Variants in PDE1A observed in about 807,000 individuals in gnomAD.
PDE1A encodes the protein dual specificity calcium/calmodulin-dependent 3',5'-cyclic nucleotide phosphodiesterase 1A.
PDE1A carries 35 observed loss-of-function variants against 61.7 expected under a neutral mutation model. That is an observed-to-expected ratio of 0.57 (90% CI 0.43 to 0.75). The LOEUF is 0.75. PDE1A is among the 30% of genes least tolerant of loss of function. The pLI is 0.00. For synonymous variants in PDE1A, 232 were observed against 213.2 expected, an observed-to-expected ratio of 1.09 and a Z score of -0.77; for missense variants, 597 against 630.6, an observed-to-expected ratio of 0.95 and a Z score of 0.57.
chr2:182,647,855 T>C, the PDE1A span, among the ~76,000 whole-genome samples: 2 of 152,048 alleles, frequency 1.3e-5, no homozygotes, highest in African/African-American at 4.8e-5. Flanking sequence ...AATTCTGTCA[T>C]TGACAGGAAG....
At chr2:182,649,680 A>G in the PDE1A span, among the ~76,000 whole-genome samples, 1 of 151,578 alleles carries the variant, frequency 6.6e-6, no homozygotes, top group Non-Finnish European at 1.5e-5. Flanking sequence ...GCGCAATCTC[A>G]GTTCACTGCA....
intron 2 of PDE1A, among the ~76,000 whole-genome samples, chr2:182,433,989 C>A (rs996074971): frequency 1.3e-5 from 2 of 152,022 alleles, no homozygotes; most frequent in African/African-American, 4.8e-5. Context: ...TGTACCTGTA[C>A]CTGCAGTTTT....
chr2:182,665,324 C>A, the PDE1A span, among the ~76,000 whole-genome samples: 3 of 151,992 alleles, frequency 2.0e-5, no homozygotes, highest in Admixed American at 6.6e-5. Context: ...TGGAATCTGA[C>A]AAAGTCCTAA....
At chr2:182,427,972 G>A (rs1703718352), upstream of PDE1A, among the ~76,000 whole-genome samples, 1 of 152,138 alleles carries the variant, frequency 6.6e-6, no homozygotes, top group African/African-American at 2.4e-5. Flanking sequence ...CACAAAGGAG[G>A]ATACTATCTG....
At chr2:182,168,425 A>G (rs1691808302) in intron 13 of PDE1A, 2 of 766,692 alleles carry the variant, frequency 2.6e-6, no homozygotes, top group Non-Finnish European at 3.9e-6. Flanking sequence ...GAAGAGAAAC[A>G]TAATTGGCAT....
chr2:182,161,698 G>C (rs1245052372), intron 13 of PDE1A, among the ~76,000 whole-genome samples: 1 of 152,020 alleles, frequency 6.6e-6, no homozygotes, highest in African/African-American at 2.4e-5. Flanking sequence ...AAGGAGGTGC[G>C]CTATACTCCA....
upstream of PDE1A, among the ~76,000 whole-genome samples, chr2:182,431,638 C>T (rs1478626062): frequency 6.6e-6 from 1 of 152,110 alleles, no homozygotes; most frequent in Non-Finnish European, 1.5e-5. Context: ...TTCTTTATAA[C>T]ACATTTCTTG....
chr2:182,686,571 G>C, the PDE1A span, among the ~76,000 whole-genome samples: 1 of 152,190 alleles, frequency 6.6e-6, no homozygotes, highest in Non-Finnish European at 1.5e-5. Context: ...TGGCCGAATA[G>C]GAACAGCTCC....
At chr2:182,166,451 T>G (rs1369312168), downstream of PDE1A, among the ~76,000 whole-genome samples, 1 of 152,144 alleles carries the variant, frequency 6.6e-6, no homozygotes, top group African/African-American at 2.4e-5. Flanking sequence ...CAGCTCCAGG[T>G]TCTCAACCTT....
At chr2:182,627,492 GCT>G in the PDE1A span, among the ~76,000 whole-genome samples, 2 of 143,958 alleles carry the variant, frequency 1.4e-5, no homozygotes, top group South Asian at 4.2e-4. Context: ...ATTCAAGATT[GCT>G]CCAACAAATA....
At chr2:182,218,841 T>C (rs1006728354) in intron 7 of PDE1A, among the ~76,000 whole-genome samples, 1 of 152,104 alleles carries the variant, frequency 6.6e-6, no homozygotes, top group Non-Finnish European at 1.5e-5. Context: ...TAGCGTTGTT[T>C]TAATTATCAT....
intron 1 of PDE1A, among the ~76,000 whole-genome samples, chr2:182,394,913 G>A (rs1288860600): frequency 6.6e-6 from 1 of 152,172 alleles, no homozygotes; most frequent in African/African-American, 2.4e-5. Context: ...GCAGAGATTA[G>A]TGCCACCATC....
chr2:182,259,191 T>G (rs973156056), intron 2 of PDE1A, among the ~76,000 whole-genome samples: 1 of 152,116 alleles, frequency 6.6e-6, no homozygotes, highest in African/African-American at 2.4e-5. Flanking sequence ...TAACCCCAAA[T>G]TAAGGATCCC....
chr2:182,601,759 C>G, the PDE1A span, among the ~76,000 whole-genome samples: 4 of 152,184 alleles, frequency 2.6e-5, no homozygotes, highest in South Asian at 2.1e-4. Flanking sequence ...CCATGCCATC[C>G]TCTCTGCAGC....
chr2:182,621,008 G>A, the PDE1A span, among the ~76,000 whole-genome samples: 1 of 152,048 alleles, frequency 6.6e-6, no homozygotes, highest in Non-Finnish European at 1.5e-5. Context: ...GCCCTTTAAG[G>A]TTCAGCAGTT....
chr2:182,209,631 C>T (rs1687410601), intron 7 of PDE1A, among the ~76,000 whole-genome samples: 1 of 151,782 alleles, frequency 6.6e-6, no homozygotes, highest in South Asian at 2.1e-4. Context: ...GGGTGAGTAT[C>T]CCGCTTGCTG....
At position 182,240,056 on chromosome 2, in the gene PDE1A, G is replaced by T. The variant is rs183591313; in HGVS notation, c.350+54C>A. The T allele has an allele frequency of 2.1e-5, 31 of 1,475,510 alleles. No homozygotes were observed. The African/African-American group carries it at 3.6e-4, about 17-fold the overall frequency. 91.4% of individuals were successfully genotyped at this position (1,475,510 alleles called of 1,614,324 possible). ...TGCTCATACCCTTGAAAAAATGAATGTATCTGCTGCCTTTCAAATGTTACT... is the reference window on the plus strand; with the variant it reads ...TGCTCATACCCTTGAAAAAATGAATTTATCTGCTGCCTTTCAAATGTTACT... On this transcript the variant is annotated intron_variant, in intron 3 of 13. Coordinates refer to ENST00000351439, the Ensembl canonical transcript of PDE1A.
chr2:182,551,291 T>A, the PDE1A span, among the ~76,000 whole-genome samples: 1 of 151,924 alleles, frequency 6.6e-6, no homozygotes, highest in Non-Finnish European at 1.5e-5. Flanking sequence ...ATCAAAGGAA[T>A]GAGAGGCCAA....
At chr2:182,334,281 C>T (rs1431098536) in intron 1 of PDE1A, among the ~76,000 whole-genome samples, 1 of 151,356 alleles carries the variant, frequency 6.6e-6, no homozygotes, top group African/African-American at 2.4e-5. Context: ...CACACACACA[C>T]ACACACACAT....
Sources: allele counts gnomAD v4.1 joint callset (sites outside exome capture counted in the v4.1 genomes callset), GRCh38; gene constraint gnomAD v4.1.1; transcripts MANE v1.5; gene names NCBI Gene and HGNC (gene_info 2026-07-23, HGNC 2026-07-21).